Variants in MAD1L1 observed in about 807,000 individuals in gnomAD.
MAD1L1 encodes the protein mitotic arrest deficient 1 like 1.
Under a neutral mutation model 96.9 loss-of-function variants are expected in MAD1L1, and 95 were observed. The ratio of observed to expected loss-of-function variants is 0.98; its 90% confidence interval spans 0.83 to 1.16. The LOEUF is 1.16. Among genes scored for constraint, MAD1L1 ranks in the 50% most tolerant of loss-of-function variants. The pLI, the probability that MAD1L1 is intolerant of heterozygous loss-of-function variation, is 0.00. For missense variants in MAD1L1, 1,007 were observed against 954.4 expected, an observed-to-expected ratio of 1.06 and a Z score of -0.73; for synonymous variants, 473 against 396.6, an observed-to-expected ratio of 1.19 and a Z score of -2.29.
chr7:2,021,503 T>G (rs1467382868), intron 12 of MAD1L1, among the ~76,000 whole-genome samples: 5 of 152,150 alleles, frequency 3.3e-5, no homozygotes, highest in Admixed American at 3.3e-4. Flanking sequence ...TGGCTCACAC[T>G]TGTAATCTCA....
intron 11 of MAD1L1, among the ~76,000 whole-genome samples, chr7:2,093,913 G>A (rs148967618): frequency 2.0e-5 from 3 of 152,314 alleles, no homozygotes; most frequent in Admixed American, 6.5e-5. Flanking sequence ...GTCGGCAGTC[G>A]GAACCCCCAG....
chr7:1,917,173 C>G lies in MAD1L1; in HGVS notation c.1808-18783G>C, dbSNP rs1334416326. Among the ~76,000 whole-genome samples the G allele has an allele frequency of 2.0e-5, 3 of 152,226 alleles. 1 individual carries two copies. Among genetic ancestry groups the G allele is most frequent in the Admixed American group, 2.0e-4 (3 of 15,286 alleles). On this transcript the variant is annotated intron_variant, in intron 17 of 18. Coordinates refer to ENST00000265854, the MANE Select transcript of MAD1L1 (RefSeq NM_001013836.2). ...GTCCAGGCGATGCTCAGAACACACACGGACAGAACAGTGTGGGCTTGGCGC... is the reference window on the plus strand; with the variant it reads ...GTCCAGGCGATGCTCAGAACACACAGGGACAGAACAGTGTGGGCTTGGCGC...
At chr7:2,045,254 C>T (rs990036390) in intron 12 of MAD1L1, among the ~76,000 whole-genome samples, 1 of 152,106 alleles carries the variant, frequency 6.6e-6, no homozygotes, top group African/African-American at 2.4e-5. Context: ...CCTGTGAGAG[C>T]CCCCGTATCC....
intron 18 of MAD1L1, among the ~76,000 whole-genome samples, chr7:1,828,359 C>T (rs1390711022): frequency 5.9e-5 from 9 of 152,072 alleles, no homozygotes; most frequent in East Asian, 3.9e-4. Flanking sequence ...GCCAGGGCGC[C>T]GAAAAGAGTG....
intron 11 of MAD1L1, among the ~76,000 whole-genome samples, chr7:2,141,919 G>C (rs1789053880): frequency 6.6e-6 from 1 of 152,192 alleles, no homozygotes; most frequent in Non-Finnish European, 1.5e-5. Flanking sequence ...GAACCAAAAG[G>C]ACAGGCAGAG....
chr7:1,873,542 G>A (rs987469873), intron 18 of MAD1L1, among the ~76,000 whole-genome samples: 6 of 151,992 alleles, frequency 3.9e-5, no homozygotes, highest in African/African-American at 1.5e-4. Flanking sequence ...CAAAGCACCT[G>A]GGCTCTCTAC....
At chr7:2,033,258 C>CA (rs778073617) in intron 12 of MAD1L1, among the ~76,000 whole-genome samples, 3 of 152,224 alleles carry the variant, frequency 2.0e-5, no homozygotes, top group Non-Finnish European at 4.4e-5. Flanking sequence ...GGGCACAGAA[C>CA]ACCTGGGTGC....
intron 18 of MAD1L1, among the ~76,000 whole-genome samples, chr7:1,870,334 G>T (rs1784990893): frequency 6.8e-6 from 1 of 147,710 alleles, no homozygotes; most frequent in Middle Eastern, 3.7e-3. Context: ...CTGCCACGGT[G>T]AACCTACCGT....
chr7:2,099,004 T>C (rs1451157193), intron 11 of MAD1L1, among the ~76,000 whole-genome samples: 1 of 152,172 alleles, frequency 6.6e-6, no homozygotes, highest in African/African-American at 2.4e-5. Flanking sequence ...TGTCTGGGGA[T>C]GGAGGGCACC....
intron 15 of MAD1L1, among the ~76,000 whole-genome samples, chr7:1,974,284 C>CA (rs1157280445): frequency 6.6e-6 from 1 of 152,236 alleles, no homozygotes; most frequent in Non-Finnish European, 1.5e-5. Flanking sequence ...AAGCACAGGG[C>CA]AAACCCACCC....
At chr7:2,127,211 G>A (rs899650291) in intron 11 of MAD1L1, among the ~76,000 whole-genome samples, 1 of 152,220 alleles carries the variant, frequency 6.6e-6, no homozygotes, top group East Asian at 1.9e-4. Context: ...AGTCATGGGA[G>A]TGCCACAGAG....
chr7:2,162,151 G>A (rs1790180422), intron 10 of MAD1L1, among the ~76,000 whole-genome samples: 1 of 152,186 alleles, frequency 6.6e-6, no homozygotes, highest in Admixed American at 6.5e-5. Context: ...ATAGAAAAGG[G>A]GGAAATGTGG....
At chr7:2,105,203 G>C (rs530130096) in intron 11 of MAD1L1, among the ~76,000 whole-genome samples, 1 of 152,262 alleles carries the variant, frequency 6.6e-6, no homozygotes, top group South Asian at 2.1e-4. Flanking sequence ...TGAGCAGAAA[G>C]GGAAGGTCTC....
At chr7:1,868,806 C>T (rs1306924677) in intron 18 of MAD1L1, among the ~76,000 whole-genome samples, 1 of 152,206 alleles carries the variant, frequency 6.6e-6, no homozygotes, top group East Asian at 1.9e-4. Flanking sequence ...AGCATGTCAG[C>T]TAAGGAGCTG....
chr7:2,172,763 GCCGCAGT>G (rs1235878926), intron 10 of MAD1L1, among the ~76,000 whole-genome samples: 1 of 152,214 alleles, frequency 6.6e-6, no homozygotes, highest in Non-Finnish European at 1.5e-5. Flanking sequence ...CACGTGGCTG[GCCGCAGT>G]CCCATCCCAG....
chr7:1,833,741 GA>G (rs1562437870), intron 18 of MAD1L1, among the ~76,000 whole-genome samples: 1 of 152,198 alleles, frequency 6.6e-6, no homozygotes, highest in South Asian at 2.1e-4. Context: ...AGGAGTTCGA[GA>G]CCAGCCTGGC....
At chr7:2,175,264 A>G (rs1177232142) in intron 10 of MAD1L1, 1 of 152,058 alleles carries the variant, frequency 6.6e-6, no homozygotes, top group Non-Finnish European at 1.5e-5. Flanking sequence ...GGCTCACAAC[A>G]CACTCTTATG....
chr7:1,990,593 C>A (rs1781364600), intron 14 of MAD1L1, among the ~76,000 whole-genome samples: 1 of 152,272 alleles, frequency 6.6e-6, no homozygotes, highest in Non-Finnish European at 1.5e-5. Flanking sequence ...CATGTCCCGG[C>A]CGAATGTTCG....
At chr7:1,923,500 C>T (rs1349839209) in intron 17 of MAD1L1, among the ~76,000 whole-genome samples, 2 of 152,262 alleles carry the variant, frequency 1.3e-5, no homozygotes, top group African/African-American at 4.8e-5. Context: ...GGCAACCCCG[C>T]GCTCTTCCGC....
Sources: allele counts gnomAD v4.1 joint callset (sites outside exome capture counted in the v4.1 genomes callset), GRCh38; gene constraint gnomAD v4.1.1; transcripts MANE v1.5; gene names NCBI Gene and HGNC (gene_info 2026-07-23, HGNC 2026-07-21).